Variants in MYB observed in about 807,000 individuals in gnomAD.
MYB encodes the protein MYB proto-oncogene, transcription factor.
In MYB, 28 loss-of-function variants were observed where a neutral mutation model predicts 92.9. The ratio of observed to expected loss-of-function variants is 0.30; its 90% CI spans 0.22 to 0.41. The LOEUF is 0.41. MYB is among the 10% of genes least tolerant of loss of function. The pLI is 1.00. For synonymous variants in MYB, 295 were observed against 329.1 expected, an observed-to-expected ratio of 0.90 and a Z score of 1.12; for missense variants, 679 against 929.3, an observed-to-expected ratio of 0.73 and a Z score of 3.50.
chr6:135,215,372 G>A (rs762415452), intron 15 of MYB, among the ~76,000 whole-genome samples: 11 of 152,118 alleles, frequency 7.2e-5, no homozygotes, highest in Non-Finnish European at 1.0e-4. Flanking sequence ...ATAAGAACTC[G>A]AATTAGAGGC....
chr6:135,188,321 C>T (rs1039365955), intron 3 of MYB, among the ~76,000 whole-genome samples: 2 of 151,958 alleles, frequency 1.3e-5, no homozygotes, highest in Non-Finnish European at 2.9e-5. Flanking sequence ...TTATCACATT[C>T]CCCCAACCCC....
chr6:135,206,215 A>G (rs975536970), intron 15 of MYB, among the ~76,000 whole-genome samples: 2 of 143,048 alleles, frequency 1.4e-5, no homozygotes, highest in Non-Finnish European at 3.0e-5. Flanking sequence ...CAAAAAAAAA[A>G]AAAAAAAAAA....
Position 135,195,790 on chromosome 6 carries a change from A to C in MYB, c.991A>C (p.Thr331Pro). 6.2e-7 allele frequency: 1 copy of C among 1,614,072 alleles called. No homozygotes were observed. Among genetic ancestry groups the C allele is most frequent in the Non-Finnish European group, 8.5e-7 (1 of 1,180,004 alleles). ...CAGCTACCCCGGGTGGCACAGCACCACCATTGCCGACCACACCAGACCTCA... is the reference window on the plus strand; with the variant it reads ...CAGCTACCCCGGGTGGCACAGCACCCCCATTGCCGACCACACCAGACCTCA... ...TCSYPGWHST[T>P]IADHTRPHGD... The change falls in exon 9 of 16, where the codon ACC (threonine) becomes CCC (proline). Residue 331 changes from threonine (T) to proline (P), a missense_variant. Around this residue, in one of 8 missense-constraint regions of MYB, gnomAD observed 56 missense variants for 55.8 expected, o/e 1.00. Transcript: ENST00000341911.
intron 15 of MYB, among the ~76,000 whole-genome samples, chr6:135,206,503 C>T (rs1046896266): frequency 6.6e-6 from 1 of 151,892 alleles, no homozygotes; most frequent in Non-Finnish European, 1.5e-5. Flanking sequence ...TGAGACCAAC[C>T]TGGCCAACAT....
intron 15 of MYB, among the ~76,000 whole-genome samples, chr6:135,205,968 G>A (rs942588340): frequency 6.6e-6 from 1 of 152,024 alleles, no homozygotes; most frequent in East Asian, 1.9e-4. Context: ...CACTTTTGGA[G>A]GCCGAGGTGG....
At position 135,194,522 on chromosome 6, in the gene MYB, G is replaced by A. The variant is rs200190425; in HGVS notation, c.948+62G>A. ...CAGCTTTGCCTCAGTTTACCTAAGC[G>A]CTCTTCTCTTCTAAATATTACACTT... On this transcript the variant is annotated intron_variant, in intron 8 of 15. Transcript: ENST00000341911. 2,028 of 1,151,316 alleles carry A rather than the reference G, an allele frequency of 1.8e-3. 6 individuals are homozygous for A. Among genetic ancestry groups the A allele is most frequent in the Non-Finnish European group, 2.4e-3 (1,836 of 775,748 alleles). The allele number at this position is 1,151,316 out of a possible 1,614,324, so 71.3% of individuals were successfully genotyped here. A position where few individuals can be genotyped will look rare whatever the true frequency, so the allele number is the denominator to read the frequency against.
intron 1 of MYB, among the ~76,000 whole-genome samples, chr6:135,183,115 G>A (rs1278815125): frequency 1.4e-5 from 2 of 147,690 alleles, no homozygotes; most frequent in Non-Finnish European, 3.0e-5. Flanking sequence ...CCGAGGTCTC[G>A]GCCGCCCCCG....
chr6:135,199,001 A>T lies in MYB; in HGVS notation c.1660A>T (p.Thr554Ser). The T allele has an allele frequency of 1.9e-6, 3 of 1,612,460 alleles. No homozygotes were observed. The highest frequency in any genetic ancestry group is 2.5e-6 in the Non-Finnish European group (3 of 1,178,824). The change falls in exon 11 of 16, where the codon ACA (threonine) becomes TCA (serine). Residue 554 changes from threonine (T) to serine (S), a missense_variant. By Grantham distance (58) the Thr-to-Ser change is moderately conservative. Coordinates refer to ENST00000341911, the MANE Select transcript of MYB (RefSeq NM_001130173.2). ...PLIGHKLTVTTPFHRDQTVKT... is the reference protein window; with the variant it reads ...PLIGHKLTVTSPFHRDQTVKT... ...CATTGGTCACAAATTGACTGTTACA[A>T]CACCATTTCATAGAGACCAGACTGT...
At chr6:135,192,641 C>A in intron 6 of MYB, 83 bp downstream of exon 6, 2 of 1,346,136 alleles carry the variant, frequency 1.5e-6, no homozygotes, top group Non-Finnish European at 2.1e-6. Flanking sequence ...CAGTTGTATA[C>A]TTTTCAGAGA....
rs948580635 is a variant in MYB, at chr6:135,219,006, C to T, written c.*1026C>T. 7 of 224,962 alleles carry T rather than the reference C, an allele frequency of 3.1e-5. No homozygotes were observed. Among genetic ancestry groups the T allele is most frequent in the Non-Finnish European group, 5.3e-5 (6 of 112,520 alleles). The allele number at this position is 224,962 out of a possible 1,614,324, so 13.9% of individuals were successfully genotyped here. A position where few individuals can be genotyped will look rare whatever the true frequency, so the allele number is the denominator to read the frequency against. ...GGTTTCTAAGTGTATGGTCTCAGAA[C>T]TGTTGCATGGATCCTGTGTTTGCAA... On this transcript the variant is annotated 3_prime_UTR_variant, in exon 16 of 16. Transcript: ENST00000341911.
chr6:135,198,211 G>T (rs1345471966), intron 10 of MYB, among the ~76,000 whole-genome samples: 1 of 152,178 alleles, frequency 6.6e-6, no homozygotes, highest in Admixed American at 6.5e-5. Flanking sequence ...GGAAGCTAAG[G>T]CAAGAGGATT....
chr6:135,198,081 T>G (rs115016563), intron 10 of MYB, among the ~76,000 whole-genome samples: 1,719 of 152,332 alleles, frequency 0.011, 30 homozygotes, highest in African/African-American at 0.033. Context: ...TGAATTTGTT[T>G]TAAGAACAGA....
intron 15 of MYB, among the ~76,000 whole-genome samples, chr6:135,210,039 C>T (rs1020105291): frequency 6.6e-6 from 1 of 152,146 alleles, no homozygotes; most frequent in Non-Finnish European, 1.5e-5. Context: ...CGAGAGAGAC[C>T]GAGGCAGACG....
chr6:135,209,150 T>G (rs1042078958), intron 15 of MYB, among the ~76,000 whole-genome samples: 4 of 152,228 alleles, frequency 2.6e-5, no homozygotes, highest in Non-Finnish European at 4.4e-5. Flanking sequence ...CTGAATCCTC[T>G]TAGTGAGAAA....
At chr6:135,197,973 A>T (rs1338453049) in intron 10 of MYB, among the ~76,000 whole-genome samples, 2 of 152,252 alleles carry the variant, frequency 1.3e-5, no homozygotes, top group Non-Finnish European at 2.9e-5. Context: ...AGGCATGAAA[A>T]TCACAATTCT....
intron 15 of MYB, among the ~76,000 whole-genome samples, chr6:135,206,065 G>A (rs1459039108): frequency 6.6e-6 from 1 of 151,766 alleles, no homozygotes; most frequent in Admixed American, 6.6e-5. Context: ...AATTAGCCGG[G>A]CGTAGTGGCG....
intron 15 of MYB, among the ~76,000 whole-genome samples, chr6:135,213,557 C>T (rs1246475361): frequency 6.6e-6 from 1 of 152,146 alleles, no homozygotes; most frequent in Non-Finnish European, 1.5e-5. Flanking sequence ...AATTCTGAGT[C>T]AACCTAAGGA....
chr6:135,185,121 C>T (rs1237724507), intron 1 of MYB, among the ~76,000 whole-genome samples: 2 of 152,104 alleles, frequency 1.3e-5, no homozygotes, highest in African/African-American at 2.4e-5. Flanking sequence ...AACACCATTC[C>T]ATCAGAGACA....
intron 14 of MYB, chr6:135,202,927 A>AT (rs1562386392): frequency 3.2e-6 from 2 of 628,558 alleles, no homozygotes; most frequent in Admixed American, 4.2e-5. Flanking sequence ...AAAGGCATGT[A>AT]TTTATTAATT....
Sources: allele counts gnomAD v4.1 joint callset (sites outside exome capture counted in the v4.1 genomes callset), GRCh38; gene constraint gnomAD v4.1.1; regional missense constraint gnomAD v4.1.1; transcripts MANE v1.5; gene names NCBI Gene and HGNC (gene_info 2026-07-23, HGNC 2026-07-21).